PALM2AKAP2: variants seen among roughly 807,000 people sequenced by gnomAD.
PALM2AKAP2 encodes the protein PALM2-AKAP2 fusion protein.
In PALM2AKAP2, 37 loss-of-function variants were observed where a neutral mutation model predicts 71.5. The ratio of observed to expected loss-of-function variants is 0.52; its 90% CI spans 0.40 to 0.68. The LOEUF (loss-of-function observed/expected upper bound fraction) is 0.68. Among genes scored for constraint, PALM2AKAP2 ranks in the 30% least tolerant of loss-of-function variants. The pLI, the probability that PALM2AKAP2 is intolerant of heterozygous loss-of-function variation, is 0.00. For missense variants in PALM2AKAP2, 1,224 were observed against 1,191.8 expected (o/e 1.03, Z -0.40); for synonymous variants, 468 against 478.8 (o/e 0.98, Z 0.29).
At chr9:110,113,944 C>G (rs1835306785) in intron 1 of PALM2AKAP2, among the ~76,000 whole-genome samples, 1 of 152,210 alleles carries the variant, frequency 6.6e-6, no homozygotes, top group South Asian at 2.1e-4. Flanking sequence ...AGTGAACTAC[C>G]TGGCATTGAA....
chr9:109,714,076 A>G (rs1348142089), intron 1 of PALM2AKAP2, among the ~76,000 whole-genome samples: 1 of 152,250 alleles, frequency 6.6e-6, no homozygotes, highest in African/African-American at 2.4e-5. Context: ...TTAGCTAGAC[A>G]ACTTTCCAGC....
At chr9:109,781,890 A>C (rs1826809976) in intron 1 of PALM2AKAP2, among the ~76,000 whole-genome samples, 1 of 152,248 alleles carries the variant, frequency 6.6e-6, no homozygotes, top group African/African-American at 2.4e-5. Flanking sequence ...GTGGCAAGGC[A>C]GCATGGCCAG....
At chr9:109,816,647 A>G (rs897221401) in intron 1 of PALM2AKAP2, among the ~76,000 whole-genome samples, 2 of 152,236 alleles carry the variant, frequency 1.3e-5, no homozygotes, top group African/African-American at 4.8e-5. Context: ...CATGAACACA[A>G]ACACTGAAGT....
chr9:109,930,809 AT>A (rs1831083380), intron 5 of PALM2AKAP2, among the ~76,000 whole-genome samples: 1 of 152,206 alleles, frequency 6.6e-6, no homozygotes, highest in African/African-American at 2.4e-5. Context: ...AACAGATTGG[AT>A]ACCAGCAGGG....
At chr9:109,704,883 A>G (rs1208180148) in intron 1 of PALM2AKAP2, among the ~76,000 whole-genome samples, 1 of 152,128 alleles carries the variant, frequency 6.6e-6, no homozygotes, top group Non-Finnish European at 1.5e-5. Context: ...GCTTTAAACC[A>G]TTCCTCTCTC....
intron 3 of PALM2AKAP2, among the ~76,000 whole-genome samples, chr9:109,920,373 C>CTTT (rs11368227): frequency 4.9e-5 from 7 of 141,772 alleles, no homozygotes; most frequent in South Asian, 2.3e-4. Context: ...ATAATGTAAT[C>CTTT]TTTTTTTTTT....
At position 110,024,908 on chromosome 9, in the gene PALM2AKAP2, T is replaced by A. The variant is rs1833148390; in HGVS notation, c.582+8869T>A. 3.2e-6 allele frequency: 4 copies of A among 1,266,032 alleles called. No homozygotes were observed. In the South Asian group the frequency reaches 3.6e-5, roughly 11 times the overall value. The allele number at this position is 1,266,032 out of a possible 1,614,324, so 78.4% of individuals were successfully genotyped here. A position where few individuals can be genotyped will look rare whatever the true frequency, so the allele number is the denominator to read the frequency against. ...ATGCCATGAATTCATAGGGAATAGGTTCCAGCAGTTCAGGCTCCTTCCCAT... is the reference window on the plus strand; with the variant it reads ...ATGCCATGAATTCATAGGGAATAGGATCCAGCAGTTCAGGCTCCTTCCCAT... On this transcript the variant is annotated intron_variant, in intron 7 of 9. Transcript: ENST00000302798.
At chr9:110,012,560 TATC>T (rs201657608) in intron 6 of PALM2AKAP2, among the ~76,000 whole-genome samples, 4,105 of 152,326 alleles carry the variant, frequency 0.027, 68 homozygotes, top group South Asian at 0.057. Flanking sequence ...CTTACAAACT[TATC>T]ATCAGGATTA....
At chr9:110,089,046 A>G (rs1194160558) in intron 1 of PALM2AKAP2, among the ~76,000 whole-genome samples, 1 of 152,178 alleles carries the variant, frequency 6.6e-6, no homozygotes, top group East Asian at 1.9e-4. Flanking sequence ...TTAACTAAAT[A>G]CAATTTAAAA....
intron 6 of PALM2AKAP2, among the ~76,000 whole-genome samples, chr9:109,959,049 C>A (rs1308022238): frequency 6.6e-6 from 1 of 152,210 alleles, no homozygotes. Flanking sequence ...TGGCAAACCC[C>A]CCCACCTTGA....
intron 1 of PALM2AKAP2, among the ~76,000 whole-genome samples, chr9:110,050,583 C>T (rs1212706811): frequency 1.3e-5 from 2 of 152,262 alleles, no homozygotes; most frequent in African/African-American, 4.8e-5. Flanking sequence ...GTCTCCTCCC[C>T]AGTTTTGACC....
chr9:109,918,046 G>C (rs1048969240), intron 3 of PALM2AKAP2, among the ~76,000 whole-genome samples: 1 of 152,194 alleles, frequency 6.6e-6, no homozygotes, highest in African/African-American at 2.4e-5. Context: ...CTATTCTACA[G>C]CATGTTGTTC....
intron 1 of PALM2AKAP2, among the ~76,000 whole-genome samples, chr9:109,718,454 C>T (rs1018649679): frequency 1.3e-5 from 2 of 152,164 alleles, no homozygotes; most frequent in African/African-American, 4.8e-5. Flanking sequence ...GCATTCCTTA[C>T]TTGTTTACTT....
chr9:109,958,408 C>T (rs999181116), intron 6 of PALM2AKAP2, among the ~76,000 whole-genome samples: 13 of 152,190 alleles, frequency 8.5e-5, no homozygotes, highest in Admixed American at 1.3e-4. Flanking sequence ...GACCCATGGA[C>T]TGAGCTTTGT....
At chr9:109,985,849 C>G (rs892328474) in intron 6 of PALM2AKAP2, among the ~76,000 whole-genome samples, 1 of 151,980 alleles carries the variant, frequency 6.6e-6, no homozygotes, top group Non-Finnish European at 1.5e-5. Flanking sequence ...GGGGTTTCAC[C>G]ATGTTGGCCA....
chr9:109,854,939 T>G (rs1829122657), intron 1 of PALM2AKAP2, among the ~76,000 whole-genome samples: 1 of 151,536 alleles, frequency 6.6e-6, no homozygotes, highest in African/African-American at 2.4e-5. Flanking sequence ...CCTGGCTAAT[T>G]TTTTGCATTT....
chr9:109,847,129 G>C (rs1165640562), intron 1 of PALM2AKAP2, among the ~76,000 whole-genome samples: 2 of 146,256 alleles, frequency 1.4e-5, no homozygotes, highest in African/African-American at 4.9e-5. Context: ...TTTGGAAGAG[G>C]GGTTTTTTTT....
chr9:109,849,567 G>C (rs988998519), intron 1 of PALM2AKAP2, among the ~76,000 whole-genome samples: 2 of 152,070 alleles, frequency 1.3e-5, no homozygotes, highest in Non-Finnish European at 2.9e-5. Context: ...GGCCAACATG[G>C]TGAAACTCCG....
At chr9:109,846,105 G>A (rs535788869) in intron 1 of PALM2AKAP2, among the ~76,000 whole-genome samples, 47 of 152,318 alleles carry the variant, frequency 3.1e-4, no homozygotes, top group African/African-American at 1.1e-3. Context: ...CTTTTCAGTT[G>A]ACATTGGAAG....
Sources: gnomAD v4.1 joint callset for allele counts (sites outside exome capture counted in the v4.1 genomes callset) on GRCh38, gnomAD v4.1.1 for gene constraint, MANE v1.5 for transcripts, NCBI Gene and HGNC (gene_info 2026-07-23, HGNC 2026-07-21) for gene names.